Variants in TMEM207 observed in about 807,000 individuals in gnomAD.
TMEM207 encodes SRSR846.
Under a neutral mutation model 17.4 loss-of-function variants are expected in TMEM207, and 15 were observed. The ratio of observed to expected loss-of-function variants is 0.86; its 90% CI spans 0.58 to 1.33. The LOEUF is 1.33. TMEM207 is among the 40% of genes most tolerant of loss of function. TMEM207 has a pLI of 0.00. For missense variants in TMEM207, 205 were observed against 173.8 expected, an observed-to-expected ratio of 1.18 and a Z score of -1.01; for synonymous variants, 70 against 65.6, an observed-to-expected ratio of 1.07 and a Z score of -0.33.
At chr3:190,441,884 T>C (rs536814857) in intron 2 of TMEM207, among the ~76,000 whole-genome samples, 137 of 152,310 alleles carry the variant, frequency 9.0e-4, no homozygotes, top group African/African-American at 3.1e-3. Context: ...CATGTAAAAC[T>C]CAAATTCTCC....
intron 4 of TMEM207, among the ~76,000 whole-genome samples, chr3:190,431,114 G>A (rs1324281453): frequency 1.4e-4 from 22 of 152,232 alleles, no homozygotes; most frequent in Non-Finnish European, 2.5e-4. Context: ...GGGTGGAGCT[G>A]TGTTTAGTAT....
intron 3 of TMEM207, 112 bp from the exon 4 acceptor site, chr3:190,440,501 A>G (rs1056144181): frequency 2.7e-5 from 24 of 876,070 alleles, no homozygotes; most frequent in Non-Finnish European, 3.7e-5. Context: ...GCCGCAAGCA[A>G]TGTGGGACAC....
chr3:190,433,199 C>T (rs1269313372), intron 4 of TMEM207, among the ~76,000 whole-genome samples: 1 of 152,176 alleles, frequency 6.6e-6, no homozygotes, highest in African/African-American at 2.4e-5. Context: ...CCTTTTCTCA[C>T]CTCCAAAACT....
At chr3:190,441,584 C>G in intron 2 of TMEM207, 102 bp from the exon 3 acceptor site, 1 of 868,722 alleles carries the variant, frequency 1.2e-6, no homozygotes, top group Non-Finnish European at 1.9e-6. Flanking sequence ...TTCTCCAGAA[C>G]AGTCACCTAC....
At chr3:190,431,005 T>C in intron 4 of TMEM207, among the ~76,000 whole-genome samples, 1 of 152,152 alleles carries the variant, frequency 6.6e-6, no homozygotes, top group East Asian at 1.9e-4. Flanking sequence ...TTGAAGCAGA[T>C]AATGTTAATT....
chr3:190,446,968 C>A (rs1032091039), intron 2 of TMEM207, among the ~76,000 whole-genome samples: 9 of 152,000 alleles, frequency 5.9e-5, no homozygotes, highest in African/African-American at 2.2e-4. Context: ...CAATCGAGAG[C>A]CATGCAAAAG....
At chr3:190,432,949 A>G (rs1719722001) in intron 4 of TMEM207, among the ~76,000 whole-genome samples, 1 of 152,164 alleles carries the variant, frequency 6.6e-6, no homozygotes, top group South Asian at 2.1e-4. Flanking sequence ...TTCACCTTGC[A>G]ATCAGCTCAG....
intron 2 of TMEM207, chr3:190,444,294 A>T: frequency 3.1e-6 from 1 of 318,984 alleles, no homozygotes; most frequent in Non-Finnish European, 4.5e-6. Flanking sequence ...CAGAGCCATT[A>T]AGTAACTTGC....
chr3:190,431,305 G>C (rs1341704437), intron 4 of TMEM207, among the ~76,000 whole-genome samples: 1 of 151,974 alleles, frequency 6.6e-6, no homozygotes, highest in Non-Finnish European at 1.5e-5. Context: ...TTAAAACAAG[G>C]CCTGGCACAG....
intron 3 of TMEM207, among the ~76,000 whole-genome samples, chr3:190,441,177 C>A (rs1273895152): frequency 6.6e-6 from 1 of 152,148 alleles, no homozygotes; most frequent in Non-Finnish European, 1.5e-5. Context: ...AGGGAGATTT[C>A]AAGACAAATA....
intron 4 of TMEM207, among the ~76,000 whole-genome samples, chr3:190,436,011 C>T (rs1340190072): frequency 6.6e-6 from 1 of 152,164 alleles, no homozygotes; most frequent in Non-Finnish European, 1.5e-5. Context: ...TGTATTTTAA[C>T]ATTAGCACAA....
At chr3:190,440,825 T>C (rs992461579) in intron 3 of TMEM207, among the ~76,000 whole-genome samples, 1 of 152,186 alleles carries the variant, frequency 6.6e-6, no homozygotes, top group East Asian at 1.9e-4. Context: ...TCCCAGCACT[T>C]TGGGAGGCCG....
intron 3 of TMEM207, 64 bp downstream of exon 3, chr3:190,441,374 T>C (rs1433908756): frequency 2.3e-6 from 3 of 1,315,464 alleles, no homozygotes; most frequent in Non-Finnish European, 3.3e-6. Context: ...CATCTCAAAT[T>C]ATTTAGGACA....
intron 4 of TMEM207, among the ~76,000 whole-genome samples, chr3:190,435,019 A>G (rs1719770309): frequency 6.6e-6 from 1 of 152,154 alleles, no homozygotes; most frequent in East Asian, 1.9e-4. Context: ...CTTGCTCTGC[A>G]TCTTCTCCTT....
At chr3:190,435,042 G>T (rs1017539085) in intron 4 of TMEM207, among the ~76,000 whole-genome samples, 5 of 151,954 alleles carry the variant, frequency 3.3e-5, no homozygotes, top group African/African-American at 1.2e-4. Context: ...CTGCCTTCTT[G>T]ACTTTCTTCT....
chr3:190,445,865 T>C (rs1438714872), intron 2 of TMEM207, among the ~76,000 whole-genome samples: 1 of 152,198 alleles, frequency 6.6e-6, no homozygotes, highest in African/African-American at 2.4e-5. Context: ...GGAAAATATA[T>C]GCAAATTGTT....
intron 3 of TMEM207, 78 bp from the exon 4 acceptor site, chr3:190,440,467 T>C: frequency 1.4e-6 from 2 of 1,392,398 alleles, no homozygotes; most frequent in Non-Finnish European, 1.9e-6. Context: ...TACCTAGAAG[T>C]GGGGTGAAGA....
chr3:190,441,028 C>T (rs1459579054), intron 3 of TMEM207, among the ~76,000 whole-genome samples: 2 of 151,992 alleles, frequency 1.3e-5, no homozygotes, highest in Admixed American at 1.3e-4. Context: ...GAGATGGCGC[C>T]ACTGCACTGC....
At chr3:190,444,284 C>T (rs1423553030) in intron 2 of TMEM207, 1 of 264,626 alleles carries the variant, frequency 3.8e-6, no homozygotes, top group African/African-American at 2.3e-5. Context: ...AACTCAGTCA[C>T]AGAGCCATTA....
Sources: gnomAD v4.1 joint callset for allele counts (sites outside exome capture counted in the v4.1 genomes callset) on GRCh38, gnomAD v4.1.1 for gene constraint, MANE v1.5 for transcripts, NCBI Gene and HGNC (gene_info 2026-07-23, HGNC 2026-07-21) for gene names.